ALDH1A2: variants seen among roughly 807,000 people sequenced by gnomAD.
The protein encoded by ALDH1A2 is retinal dehydrogenase 2.
A neutral mutation model predicts 60.3 loss-of-function variants in ALDH1A2; 27 were observed. The observed-to-expected ratio is 0.45, with a 90% CI of 0.33 to 0.62. ALDH1A2 has a LOEUF of 0.62. ALDH1A2 is among the 20% of genes least tolerant of loss of function. The pLI is 0.02. For synonymous variants in ALDH1A2, 289 were observed against 232.4 expected, an observed-to-expected ratio of 1.24 and a Z score of -2.21; for missense variants, 581 against 643.8, an observed-to-expected ratio of 0.90 and a Z score of 1.06.
At chr15:58,062,476 T>G (rs1471347376) in intron 1 of ALDH1A2, among the ~76,000 whole-genome samples, 3 of 152,238 alleles carry the variant, frequency 2.0e-5, no homozygotes, top group African/African-American at 7.2e-5. Context: ...GACTTTGTAA[T>G]GTGTGTATTC....
At chr15:58,042,199 C>G (rs2140557940) in intron 1 of ALDH1A2, among the ~76,000 whole-genome samples, 1 of 152,044 alleles carries the variant, frequency 6.6e-6, no homozygotes, top group South Asian at 2.1e-4. Context: ...ATTGACAGGA[C>G]AGTAAAATCT....
chr15:57,969,864 AAC>A (rs1894005922), intron 7 of ALDH1A2, among the ~76,000 whole-genome samples: 1 of 152,186 alleles, frequency 6.6e-6, no homozygotes, highest in Non-Finnish European at 1.5e-5. Flanking sequence ...GGCTAATTAT[AAC>A]CATATTTAGG....
At chr15:58,004,098 C>G (rs1214909433) in intron 4 of ALDH1A2, among the ~76,000 whole-genome samples, 1 of 151,858 alleles carries the variant, frequency 6.6e-6, no homozygotes, top group Non-Finnish European at 1.5e-5. Flanking sequence ...CAGCCACCCA[C>G]TTTTTCATTG....
intron 7 of ALDH1A2, among the ~76,000 whole-genome samples, chr15:57,978,178 CTTTA>C (rs200951100): frequency 0.014 from 2,057 of 152,288 alleles, 20 homozygotes; most frequent in African/African-American, 0.031. Flanking sequence ...ATTGAATACC[CTTTA>C]TTTCTTTCTT....
chr15:57,990,315 G>A (rs1400488063), intron 7 of ALDH1A2: 5 of 152,146 alleles, frequency 3.3e-5, no homozygotes, highest in South Asian at 4.1e-4. Flanking sequence ...GTGTGTATAC[G>A]TATATACATA....
At chr15:57,980,222 A>G (rs1566936217) in intron 7 of ALDH1A2, 1 of 326,206 alleles carries the variant, frequency 3.1e-6, no homozygotes, top group Non-Finnish European at 6.3e-6. Flanking sequence ...TTTGATGCCA[A>G]TGTCCACCCC....
intron 9 of ALDH1A2, 22 bp downstream of exon 9, chr15:57,963,863 G>C: frequency 2.5e-6 from 4 of 1,613,718 alleles, no homozygotes; most frequent in South Asian, 1.1e-5. Flanking sequence ...GTAAACAAAG[G>C]GAATGGTTAT....
intron 7 of ALDH1A2, among the ~76,000 whole-genome samples, chr15:57,981,519 G>T (rs1479247438): frequency 1.3e-5 from 2 of 152,168 alleles, no homozygotes; most frequent in Admixed American, 1.3e-4. Flanking sequence ...CAAGCAATAT[G>T]CTTGGAACTT....
intron 1 of ALDH1A2, among the ~76,000 whole-genome samples, chr15:58,044,073 T>C (rs1178474503): frequency 6.6e-6 from 1 of 152,072 alleles, no homozygotes; most frequent in Non-Finnish European, 1.5e-5. Flanking sequence ...ACTTAATTTT[T>C]GCTGATGTCT....
rs760824618 is a variant in ALDH1A2, at chr15:57,992,973, G to A, written c.656C>T (p.Ala219Val). The A allele has an allele frequency of 2.5e-6, 4 of 1,613,940 alleles. No individual in the cohort carries two copies. Among genetic ancestry groups the A allele is most frequent in the African/African-American group, 1.3e-5 (1 of 74,918 alleles). The change falls in exon 6 of 13, where the codon GCA (alanine) becomes GTA (valine). Residue 219 changes from alanine (A) to valine (V), a missense_variant. Transcript: ENST00000249750. Reference sequence around the variant, plus strand: ...CTTGATGAGGGCTCCCATGTAGAGTGCACTGAGTGGTGTTTGCTCTGCTGG... The same window carrying A: ...CTTGATGAGGGCTCCCATGTAGAGTACACTGAGTGGTGTTTGCTCTGCTGG... ...IKPAEQTPLS[A>V]LYMGALIKEA...
intron 7 of ALDH1A2, among the ~76,000 whole-genome samples, chr15:57,975,827 A>C (rs933707933): frequency 3.9e-5 from 6 of 151,900 alleles, no homozygotes; most frequent in African/African-American, 1.5e-4. Context: ...GTGGGGGTGG[A>C]GAGAGAGATA....
intron 1 of ALDH1A2, among the ~76,000 whole-genome samples, chr15:58,034,927 G>A (rs1896338416): frequency 6.6e-6 from 1 of 151,602 alleles, no homozygotes; most frequent in Non-Finnish European, 1.5e-5. Context: ...ATAGTTTGTA[G>A]TATTCCATTC....
chr15:58,025,088 A>T (rs1322118946), intron 1 of ALDH1A2, among the ~76,000 whole-genome samples: 2 of 152,128 alleles, frequency 1.3e-5, no homozygotes, highest in Non-Finnish European at 2.9e-5. Context: ...AAGTAGAAAG[A>T]TTATAAATTA....
intron 7 of ALDH1A2, among the ~76,000 whole-genome samples, chr15:57,968,078 C>T (rs563711212): frequency 2.4e-4 from 37 of 152,266 alleles, no homozygotes; most frequent in Non-Finnish European, 4.0e-4. Context: ...ACTGTCTGCT[C>T]TTCTGAGAAT....
chr15:57,955,032 C>T lies in ALDH1A2; in HGVS notation c.*165G>A, dbSNP rs1228730318. 2 of 768,280 alleles carry T rather than the reference C, an allele frequency of 2.6e-6. No individual in the cohort carries two copies. Among genetic ancestry groups the T allele is most frequent in the Non-Finnish European group, 4.6e-6 (2 of 432,964 alleles). 47.6% of individuals were successfully genotyped at this position (768,280 alleles called of 1,614,324 possible). On this transcript the variant is annotated 3_prime_UTR_variant, in exon 13 of 13. Transcript: ENST00000249750. ...CAGAGTGCCAAGAAACTGTACCCAG[C>T]TGGTTTGCTTTAGTTGTGCAGTGAC...
At chr15:57,974,129 G>C (rs1182690667) in intron 7 of ALDH1A2, among the ~76,000 whole-genome samples, 2 of 152,130 alleles carry the variant, frequency 1.3e-5, no homozygotes, top group Non-Finnish European at 2.9e-5. Flanking sequence ...TACTGAAACA[G>C]AACAGAGAGT....
At chr15:57,959,082 G>A (rs1437876490) in intron 12 of ALDH1A2, among the ~76,000 whole-genome samples, 1 of 152,160 alleles carries the variant, frequency 6.6e-6, no homozygotes, top group African/African-American at 2.4e-5. Context: ...TGTAACAAGT[G>A]TGCCCACAAT....
intron 4 of ALDH1A2, among the ~76,000 whole-genome samples, chr15:58,006,171 C>A (rs1192896891): frequency 6.6e-6 from 1 of 151,854 alleles, no homozygotes; most frequent in African/African-American, 2.4e-5. Context: ...TTATCACTCA[C>A]CCCACTCCCA....
At chr15:58,001,174 G>A (rs951402629) in intron 4 of ALDH1A2, among the ~76,000 whole-genome samples, 2 of 149,588 alleles carry the variant, frequency 1.3e-5, no homozygotes, top group African/African-American at 2.5e-5. Flanking sequence ...CTTATAAACA[G>A]AGAAAATATG....
Sources: gnomAD v4.1 joint callset for allele counts (sites outside exome capture counted in the v4.1 genomes callset) on GRCh38, gnomAD v4.1.1 for gene constraint, MANE v1.5 for transcripts, NCBI Gene and HGNC (gene_info 2026-07-23, HGNC 2026-07-21) for gene names.